The following SLC5A10 variants were observed in gnomAD, a reference collection of about 807,000 sequenced individuals.
SLC5A10 encodes solute carrier family 5 member 10.
SLC5A10 carries 55 observed loss-of-function variants against 68.9 expected under a neutral mutation model. The observed-to-expected ratio is 0.80, with a 90% CI of 0.64 to 1.00. The LOEUF (loss-of-function observed/expected upper bound fraction) is 1.00. Ranked by LOEUF, SLC5A10 falls within the 50% of genes least tolerant of loss-of-function variation. SLC5A10 has a pLI of 0.00. For missense variants in SLC5A10, 732 were observed against 819.3 expected (o/e 0.89, Z 1.30); for synonymous variants, 344 against 344.8 (o/e 1.00, Z 0.02).
At chr17:18,992,200 T>A (rs763603799) in intron 9 of SLC5A10, among the ~76,000 whole-genome samples, 6 of 152,102 alleles carry the variant, frequency 3.9e-5, no homozygotes, top group Admixed American at 6.5e-5. Context: ...GCCCAGTGGA[T>A]CCGCCGGCCT....
upstream of SLC5A10, chr17:18,952,000 C>G (rs1448835501): frequency 1.3e-5 from 9 of 695,014 alleles, no homozygotes; most frequent in Admixed American, 3.3e-4. Context: ...CTGACTCCTG[C>G]GCTCTGGGAT....
chr17:19,002,128 C>A (rs1341570790), intron 9 of SLC5A10, among the ~76,000 whole-genome samples: 1 of 152,122 alleles, frequency 6.6e-6, no homozygotes, highest in South Asian at 2.1e-4. Context: ...CCCTCCTCCT[C>A]CTCTTCCTCT....
At chr17:19,008,835 T>G (rs2043956547) in intron 9 of SLC5A10, among the ~76,000 whole-genome samples, 1 of 143,072 alleles carries the variant, frequency 7.0e-6, no homozygotes, top group African/African-American at 2.6e-5. Context: ...TTTTTTGAGA[T>G]AGCGTCTTGC....
intron 9 of SLC5A10, among the ~76,000 whole-genome samples, chr17:19,010,549 C>T (rs1282368375): frequency 2.0e-5 from 3 of 152,208 alleles, no homozygotes; most frequent in African/African-American, 7.2e-5. Flanking sequence ...TGCTGCTCAG[C>T]ACAAACACTT....
In SLC5A10 at chr17:18,987,892, G is replaced by T. The variant is rs544785422; in HGVS notation, c.982+10903G>T. On this transcript the variant is annotated intron_variant, in intron 9 of 14. Transcript: ENST00000395645. ...TCTCCAGAAAGGCCACGAGCTACCT[G>T]AGGAGGCAGTGAGCACACTATCACC... Among the ~76,000 whole-genome samples the T allele has an allele frequency of 3.9e-5, 6 of 152,352 alleles. No homozygotes were observed. The South Asian group carries it at 1.2e-3, about 32-fold the overall frequency.
At chr17:18,961,401 ACCTCCGAG>A (rs1597818305) in intron 5 of SLC5A10, among the ~76,000 whole-genome samples, 1 of 151,470 alleles carries the variant, frequency 6.6e-6, no homozygotes, top group African/African-American at 2.4e-5. Flanking sequence ...AGCCCCTGCG[ACCTCCGAG>A]CCTCCCTGTG....
rs144934843 is a variant in SLC5A10 at position 19,000,066 on chromosome 17, G to A, written c.983-13344G>A. On this transcript the variant is annotated intron_variant, in intron 9 of 14. Coordinates refer to ENST00000395645, the MANE Select transcript of SLC5A10 (RefSeq NM_001042450.4). This position sits in a 1 kb window ranked among gnomAD's most constrained non-coding sequence, Gnocchi z 5.2. ...TCTCAGGCTGCAGCCAAGTGAGGCC[G>A]GGGCTCGCCCCTCCCAGGCGTGATC... Among the ~76,000 whole-genome samples the A allele has an allele frequency of 2.1e-3, 327 of 152,356 alleles. 2 individuals are homozygous for A. Among genetic ancestry groups the A allele is most frequent in the African/African-American group, 7.4e-3 (306 of 41,592 alleles).
rs1413297228 is a variant in SLC5A10, at chr17:19,019,868, A to C, written c.1566A>C (p.Ala522=). Residue 522 remains alanine (A), a synonymous_variant, in exon 13 of 15, where the codon GCA becomes GCC. Transcript: ENST00000395645. ...TGCACTTCGCTGTCGCCCTCTTTGC[A>C]CTCAGTGGTGCTGTTGTGGTGGCTG... is the stretch of plus-strand genomic sequence containing the variant. ...HYLHFAVALF[A]LSGAVVVAGS... 1.2e-6 allele frequency: 2 copies of C among 1,612,814 alleles called. No homozygotes were observed. The highest frequency in any genetic ancestry group is 1.7e-6 in the Non-Finnish European group (2 of 1,179,812).
At position 18,959,148 on chromosome 17, in the gene SLC5A10, T is replaced by A. The variant is rs2042563543; in HGVS notation, c.197T>A (p.Leu66His). 1 of 1,611,296 alleles carries A rather than the reference T, an allele frequency of 6.2e-7. No homozygotes were observed. Among genetic ancestry groups the A allele is most frequent in the Non-Finnish European group, 8.5e-7 (1 of 1,177,800 alleles). The change falls in exon 3 of 15, where the codon CTC (leucine) becomes CAC (histidine). Residue 66 changes from leucine (L) to histidine (H), a missense_variant. Physicochemically the swap from Leu to His is moderately conservative, Grantham distance 99. Transcript: ENST00000395645. ...TCTCTCCTCCAGATTGGAGCCTCCC[T>A]CTTCGCCAGCAGCGAGGGCTCTGGC... The part of the protein sequence containing the change: ...DMTWWPIGAS[L>H]FASSEGSGLF...
chr17:19,021,949 G>A lies in SLC5A10; in HGVS notation c.*1518G>A. On this transcript the variant is annotated 3_prime_UTR_variant, in exon 15 of 15. Transcript: ENST00000395645. This position sits in a 1 kb window ranked among gnomAD's most constrained non-coding sequence, Gnocchi z 4.1. The stretch of plus-strand genomic sequence containing the variant: ...AAAAGGCCCGTTGGCCAGATCGGCC[G>A]CCGGGCTGCTCACAGGTGCACGGGC... The A allele has an allele frequency of 3.3e-6, 5 of 1,504,960 alleles. No homozygotes were observed. The South Asian group carries it at 4.0e-5, about 12-fold the overall frequency. The allele number at this position is 1,504,960 out of a possible 1,614,324, so 93.2% of individuals were successfully genotyped here.
intron 9 of SLC5A10, among the ~76,000 whole-genome samples, chr17:18,986,865 A>C (rs1475093226): frequency 6.6e-6 from 1 of 152,206 alleles, no homozygotes; most frequent in Non-Finnish European, 1.5e-5. Context: ...AGGTTTCCAA[A>C]GTGGCCTTTC....
At chr17:18,991,258 T>C (rs1022480391) in intron 9 of SLC5A10, among the ~76,000 whole-genome samples, 2 of 152,098 alleles carry the variant, frequency 1.3e-5, no homozygotes, top group African/African-American at 4.8e-5. Flanking sequence ...TTTTATCAAC[T>C]GAGAACAAGA....
In SLC5A10 at chr17:18,971,090, A is replaced by ACCACCTG. The variant is rs751963689; in HGVS notation, c.730_736dup (p.Arg246ProfsTer86). 7 of 1,613,984 alleles carry ACCACCTG rather than the reference A, an allele frequency of 4.3e-6. No homozygotes were observed. Among genetic ancestry groups the ACCACCTG allele is most frequent in the Non-Finnish European group, 5.9e-6 (7 of 1,180,010 alleles). ...CATTCCCTCCAGGACCATTGCCAAC[A>ACCACCTG]CCACCTGCCACCTGCCACGTACAGA... On this transcript the variant is annotated frameshift_variant, in exon 8 of 15. Coordinates refer to ENST00000395645, the MANE Select transcript of SLC5A10 (RefSeq NM_001042450.4). LOFTEE classifies it high-confidence loss of function. The surrounding 1 kb of genome is among the most constrained non-coding windows in gnomAD (Gnocchi z 5.5).
At chr17:19,019,056 C>A (rs889786877) in intron 11 of SLC5A10, 5 of 220,162 alleles carry the variant, frequency 2.3e-5, no homozygotes, top group Admixed American at 1.1e-4. Context: ...GGAAGACAGG[C>A]AGTAAACAAG....
chr17:19,004,125 C>G lies in SLC5A10; in HGVS notation c.983-9285C>G, dbSNP rs989900090. 8 of 1,331,742 alleles carry G rather than the reference C, an allele frequency of 6.0e-6. No homozygotes were observed. In the African/African-American group the frequency reaches 7.4e-5, roughly 12 times the overall value. 82.5% of individuals were successfully genotyped at this position (1,331,742 alleles called of 1,614,324 possible). On this transcript the variant is annotated intron_variant, in intron 9 of 14. Transcript: ENST00000395645. This position sits in a 1 kb window ranked among gnomAD's most constrained non-coding sequence, Gnocchi z 5.4. ...TCCGGCCCAGCTGGGGCACCGCGCG[C>G]TCGGGGGCCTCTCCGCGGCCTCTGC...
intron 9 of SLC5A10, among the ~76,000 whole-genome samples, chr17:19,007,804 A>T (rs887947996): frequency 1.9e-4 from 29 of 152,192 alleles, no homozygotes; most frequent in African/African-American, 6.3e-4. Flanking sequence ...TTTATGCATC[A>T]TGCTTTTGGC....
chr17:18,979,254 C>T, intron 9 of SLC5A10: 1 of 483,544 alleles, frequency 2.1e-6, no homozygotes, highest in East Asian at 3.7e-5. Flanking sequence ...GAGCTGGCCC[C>T]ATCCCTAAGG....
chr17:18,989,839 C>T (rs192350127), intron 9 of SLC5A10, among the ~76,000 whole-genome samples: 27 of 152,312 alleles, frequency 1.8e-4, no homozygotes, highest in Admixed American at 1.3e-3. Flanking sequence ...TGTTGGATGT[C>T]GCAAAGCAAG....
At chr17:18,960,713 T>C (rs1440001015) in intron 5 of SLC5A10, 61 bp downstream of exon 5, 2 of 1,469,926 alleles carry the variant, frequency 1.4e-6, no homozygotes, top group African/African-American at 1.4e-5. Context: ...TGTGGGCCCC[T>C]CAAGAGGACC....
Sources: allele counts gnomAD v4.1 joint callset (sites outside exome capture counted in the v4.1 genomes callset), GRCh38; gene constraint gnomAD v4.1.1; non-coding constraint Gnocchi (gnomAD v3.1); transcripts MANE v1.5; gene names NCBI Gene and HGNC (gene_info 2026-07-23, HGNC 2026-07-21).